Variants in DIP2C observed in about 807,000 individuals in gnomAD.
DIP2C encodes the protein DIP2 acetate--CoA ligase C (putative), also known as disco-interacting protein 2 homolog C.
In DIP2C, 33 loss-of-function variants were observed where a neutral mutation model predicts 192.4. That is an observed-to-expected ratio of 0.17 (90% CI 0.13 to 0.23). DIP2C has a LOEUF of 0.23. Among genes scored for constraint, DIP2C ranks in the 10% least tolerant of loss-of-function variants. The pLI, the probability that DIP2C is intolerant of heterozygous loss-of-function variation, is 1.00. For synonymous variants in DIP2C, 979 were observed against 864.1 expected (o/e 1.13, Z -2.33); for missense variants, 1,537 against 2,110.1 (o/e 0.73, Z 5.32).
At chr10:540,712 A>T (rs957241348) in intron 1 of DIP2C, among the ~76,000 whole-genome samples, 1 of 152,222 alleles carries the variant, frequency 6.6e-6, no homozygotes, top group Non-Finnish European at 1.5e-5. Flanking sequence ...TAATTTTACC[A>T]CAATAAAAAG....
At chr10:343,042 C>A (rs1958236025) in intron 28 of DIP2C, among the ~76,000 whole-genome samples, 1 of 152,186 alleles carries the variant, frequency 6.6e-6, no homozygotes, top group Non-Finnish European at 1.5e-5. Flanking sequence ...GTGATCCCAG[C>A]ACTTTGGGAG....
rs536216332 is a variant in DIP2C at position 378,736 on chromosome 10, TAAAG to T, written c.1991+3907_1991+3910del. On this transcript the variant is annotated intron_variant, in intron 17 of 36. Transcript: ENST00000280886. ...GCACAGACACGTGAACAGACATGCA[TAAAG>T]ACACATGTGAACACATGCCTAGACA... Among the ~76,000 whole-genome samples, 29 of 151,170 alleles carry T rather than the reference TAAAG, an allele frequency of 1.9e-4. No homozygotes were observed. In the East Asian group the frequency reaches 4.9e-3, roughly 25 times the overall value.
At chr10:281,101 C>A in intron 36 of DIP2C, 99 bp downstream of exon 36, 1 of 1,532,182 alleles carries the variant, frequency 6.5e-7, no homozygotes, top group South Asian at 1.2e-5. Flanking sequence ...CCCTTCCCTA[C>A]CTTAACAAAA....
Position 472,434 on chromosome 10 carries a change from C to T in DIP2C, c.268+5G>A. On this transcript the variant is annotated splice_donor_5th_base_variant and intron_variant, in intron 3 of 36. Transcript: ENST00000280886. ...ACGTATTGTATCACCCCACCCCGTG[C>T]TTACCTGACCGATAGCGCTCATCTC... The T allele has an allele frequency of 6.2e-7, 1 of 1,613,704 alleles. No homozygotes were observed. The highest frequency in any genetic ancestry group is 2.2e-5 in the East Asian group (1 of 44,864).
chr10:636,213 G>A lies in DIP2C; in HGVS notation c.85+53281C>T, dbSNP rs918573792. 4.6e-5 allele frequency among the ~76,000 whole-genome samples: 7 copies of A among 152,152 alleles called. No homozygotes were observed. The highest frequency in any genetic ancestry group is 7.2e-5 in the African/African-American group (3 of 41,426). On this transcript the variant is annotated intron_variant, in intron 1 of 36. Transcript: ENST00000280886. The surrounding 1 kb of genome is among the most constrained non-coding windows in gnomAD (Gnocchi z 4.6). ...CAGAACACCAACGGCTCGTCGGCTC[G>A]TCGGCTCTTCCCGGCTGAACCCAAG...
At chr10:674,942 C>T (rs1048665330) in intron 1 of DIP2C, among the ~76,000 whole-genome samples, 1 of 151,660 alleles carries the variant, frequency 6.6e-6, no homozygotes, top group Non-Finnish European at 1.5e-5. Context: ...ACCAAATGGA[C>T]CTAACAGACA....
At chr10:483,247 A>AACTTTTAACTGTAAGG (rs1843739287) in intron 2 of DIP2C, among the ~76,000 whole-genome samples, 2 of 152,278 alleles carry the variant, frequency 1.3e-5, no homozygotes, top group African/African-American at 2.4e-5. Flanking sequence ...GAAGTTAATC[A>AACTTTTAACTGTAAGG]GAACACAAAC....
intron 4 of DIP2C, among the ~76,000 whole-genome samples, chr10:428,987 A>G (rs1966766672): frequency 6.6e-6 from 1 of 152,046 alleles, no homozygotes; most frequent in Non-Finnish European, 1.5e-5. Context: ...GTCCCCTATC[A>G]TCAACATTGC....
At chr10:621,825 A>G (rs1853870259) in intron 1 of DIP2C, among the ~76,000 whole-genome samples, 1 of 152,190 alleles carries the variant, frequency 6.6e-6, no homozygotes, top group Non-Finnish European at 1.5e-5. Flanking sequence ...TGACATCATC[A>G]AACAAGAGGT....
chr10:348,398 T>C (rs1031771593), intron 26 of DIP2C, among the ~76,000 whole-genome samples: 6 of 152,156 alleles, frequency 3.9e-5, no homozygotes, highest in Non-Finnish European at 7.4e-5. Flanking sequence ...GGAGCCGTTT[T>C]CTCCAGGGAA....
At chr10:340,665 G>C (rs1958098119) in intron 29 of DIP2C, 1 of 426,390 alleles carries the variant, frequency 2.3e-6, no homozygotes, top group Non-Finnish European at 4.8e-6. Context: ...AAGTTTTTCT[G>C]GTCATTCATT....
intron 1 of DIP2C, among the ~76,000 whole-genome samples, chr10:573,762 A>T (rs1248803665): frequency 6.6e-6 from 1 of 152,030 alleles, no homozygotes; most frequent in Non-Finnish European, 1.5e-5. Flanking sequence ...TCTTGTAGGT[A>T]CTTAAAAAAA....
At chr10:575,390 G>A (rs1036207642) in intron 1 of DIP2C, among the ~76,000 whole-genome samples, 11 of 152,176 alleles carry the variant, frequency 7.2e-5, no homozygotes, top group Admixed American at 5.2e-4. Context: ...TATGATTTCT[G>A]CCATACACGA....
At chr10:316,389 CT>C (rs1205154499) in intron 31 of DIP2C, among the ~76,000 whole-genome samples, 1 of 152,232 alleles carries the variant, frequency 6.6e-6, no homozygotes, top group African/African-American at 2.4e-5. Flanking sequence ...GAGAGATCTG[CT>C]TTCCAAACAG....
chr10:650,032 T>C, intron 1 of DIP2C: 1 of 686,268 alleles, frequency 1.5e-6, no homozygotes, highest in East Asian at 2.7e-5. Flanking sequence ...AAGGCAATTC[T>C]GAGCCTTTCC....
At chr10:650,712 G>A (rs1312826820) in intron 1 of DIP2C, 1 of 626,272 alleles carries the variant, frequency 1.6e-6, no homozygotes, top group Non-Finnish European at 2.9e-6. Context: ...CTTCTGGCCA[G>A]AGTGCTCTGG....
rs565624807 is a variant in DIP2C at position 386,642 on chromosome 10, G to A, written c.1662+1103C>T. Among the ~76,000 whole-genome samples, 3 of 152,326 alleles carry A rather than the reference G, an allele frequency of 2.0e-5. No homozygotes were observed. In the South Asian group the frequency reaches 6.2e-4, roughly 32 times the overall value. ...CCAGCCGGGCTGCTCTGCAGCCACAGATATTTGGTCTAGGAAATGCTTGCC... is the reference window on the plus strand; with the variant it reads ...CCAGCCGGGCTGCTCTGCAGCCACAAATATTTGGTCTAGGAAATGCTTGCC... On this transcript the variant is annotated intron_variant, in intron 14 of 36. Coordinates refer to ENST00000280886, the MANE Select transcript of DIP2C (RefSeq NM_014974.3).
At chr10:430,339 C>G (rs1481358677) in intron 4 of DIP2C, 1 of 152,184 alleles carries the variant, frequency 6.6e-6, no homozygotes, top group African/African-American at 2.4e-5. Context: ...CATTTCCAAC[C>G]TAAGCTAGTT....
At chr10:320,572 C>T (rs1422190707) in intron 31 of DIP2C, among the ~76,000 whole-genome samples, 1 of 151,648 alleles carries the variant, frequency 6.6e-6, no homozygotes, top group Non-Finnish European at 1.5e-5. Context: ...CCAGAAGTGA[C>T]TGTGATGATG....
Sources: gnomAD v4.1 joint callset for allele counts (sites outside exome capture counted in the v4.1 genomes callset) on GRCh38, gnomAD v4.1.1 for gene constraint, Gnocchi (gnomAD v3.1) non-coding constraint, MANE v1.5 for transcripts, NCBI Gene and HGNC (gene_info 2026-07-23, HGNC 2026-07-21) for gene names.